SLC31A1: variants seen among roughly 807,000 people sequenced by gnomAD.
SLC31A1 encodes solute carrier family 31 member 1, also known as high affinity copper uptake protein 1.
In SLC31A1, 5 loss-of-function variants were observed where a neutral mutation model predicts 17.2. That is an observed-to-expected ratio of 0.29 (90% confidence interval 0.15 to 0.61). The LOEUF is 0.61. SLC31A1 is among the 20% of genes least tolerant of loss of function. The pLI is 0.86. For missense variants in SLC31A1, 161 were observed against 241.4 expected (o/e 0.67, Z 2.21); for synonymous variants, 76 against 78.8 (o/e 0.96, Z 0.19).
chr9:113,223,434 A>G (rs1470177754), intron 1 of SLC31A1, among the ~76,000 whole-genome samples: 3 of 152,154 alleles, frequency 2.0e-5, no homozygotes, highest in Non-Finnish European at 4.4e-5. Context: ...CAGCCCTTAT[A>G]ACTCACTCTG....
rs1026506625 is a variant in SLC31A1 at position 113,239,158 on chromosome 9, G to A, written c.-35-16956G>A. ...CTAGAAATTAGTAGAGCCGGGATTT[G>A]AATACCTTCTGACTCCAGACTTTTT... is the stretch of plus-strand genomic sequence containing the variant. On this transcript the variant is annotated intron_variant, in intron 1 of 4. Coordinates refer to ENST00000374212, the MANE Select transcript of SLC31A1 (RefSeq NM_001859.4). Among the ~76,000 whole-genome samples, 25 of 151,856 alleles carry A rather than the reference G, an allele frequency of 1.6e-4. 1 individual carries two copies. The highest frequency in any genetic ancestry group is 5.6e-4 in the African/African-American group (23 of 41,324).
rs779732387 is a variant in SLC31A1, at chr9:113,262,981, G to A, written c.*2508G>A. Reference sequence around the variant, plus strand: ...TCGAGACCAGCCTGGACAACATAGTGAGATCCTATCTCTATAAAAAATCAA... The same window carrying A: ...TCGAGACCAGCCTGGACAACATAGTAAGATCCTATCTCTATAAAAAATCAA... On this transcript the variant is annotated 3_prime_UTR_variant, in exon 5 of 5. Coordinates refer to ENST00000374212, the MANE Select transcript of SLC31A1 (RefSeq NM_001859.4). The A allele has an allele frequency of 6.6e-5, 10 of 152,322 alleles. No individual in the cohort carries two copies. Among genetic ancestry groups the A allele is most frequent in the Non-Finnish European group, 1.3e-4 (9 of 68,112 alleles). The allele number at this position is 152,322 out of a possible 1,614,324, so 9.4% of individuals were successfully genotyped here. A position where few individuals can be genotyped will look rare whatever the true frequency, so the allele number is the denominator to read the frequency against.
chr9:113,228,245 T>A (rs969771334), intron 1 of SLC31A1, among the ~76,000 whole-genome samples: 2 of 152,118 alleles, frequency 1.3e-5, no homozygotes, highest in Admixed American at 6.5e-5. Context: ...GTCACATAAA[T>A]CATACTAAAG....
intron 1 of SLC31A1, among the ~76,000 whole-genome samples, chr9:113,234,425 C>T (rs1831433211): frequency 6.6e-6 from 1 of 151,068 alleles, no homozygotes; most frequent in Admixed American, 6.6e-5. Flanking sequence ...GATCCACCCA[C>T]CTCAGCCTCC....
chr9:113,256,063 A>G, intron 1 of SLC31A1, 51 bp from the exon 2 acceptor site: 3 of 1,344,452 alleles, frequency 2.2e-6, no homozygotes, highest in Admixed American at 2.2e-5. Flanking sequence ...AAAAAAAGAG[A>G]TAAGATTTTT....
intron 1 of SLC31A1, among the ~76,000 whole-genome samples, chr9:113,224,980 C>T (rs2118979761): frequency 6.6e-6 from 1 of 152,312 alleles, no homozygotes. Flanking sequence ...GCATTTAGAA[C>T]AGTGCCTGGC....
intron 4 of SLC31A1, among the ~76,000 whole-genome samples, chr9:113,259,961 A>T (rs1346230340): frequency 6.6e-6 from 1 of 152,152 alleles, no homozygotes; most frequent in African/African-American, 2.4e-5. Flanking sequence ...TGAGCGTGAG[A>T]GGGTTTACGG....
intron 1 of SLC31A1, among the ~76,000 whole-genome samples, chr9:113,229,365 A>G (rs1395239418): frequency 6.6e-6 from 1 of 152,186 alleles, no homozygotes; most frequent in Admixed American, 6.5e-5. Flanking sequence ...AATAACATGA[A>G]CATACTCTGT....
intron 1 of SLC31A1, among the ~76,000 whole-genome samples, chr9:113,227,073 T>G (rs553154399): frequency 6.6e-6 from 1 of 152,110 alleles, no homozygotes; most frequent in Non-Finnish European, 1.5e-5. Flanking sequence ...GGTACCTTCA[T>G]TCGATAGGTA....
At chr9:113,250,919 A>G (rs1365576835) in intron 1 of SLC31A1, among the ~76,000 whole-genome samples, 1 of 152,126 alleles carries the variant, frequency 6.6e-6, no homozygotes, top group Non-Finnish European at 1.5e-5. Flanking sequence ...TTGGGTTGCT[A>G]TAAAGTGAGC....
chr9:113,250,617 A>C (rs1020117978), intron 1 of SLC31A1, among the ~76,000 whole-genome samples: 2 of 150,990 alleles, frequency 1.3e-5, no homozygotes, highest in African/African-American at 4.9e-5. Flanking sequence ...AGCATGGCAC[A>C]TGTATACATA....
intron 1 of SLC31A1, among the ~76,000 whole-genome samples, chr9:113,238,397 G>T (rs1831486544): frequency 6.6e-6 from 1 of 152,166 alleles, no homozygotes; most frequent in Admixed American, 6.5e-5. Context: ...AAGTGATAGA[G>T]TCGGAACCAG....
intron 1 of SLC31A1, among the ~76,000 whole-genome samples, chr9:113,234,853 AT>A (rs2118990041): frequency 6.6e-6 from 1 of 152,210 alleles, no homozygotes; most frequent in East Asian, 1.9e-4. Context: ...GTATTTTTAC[AT>A]TTGATATTCA....
At chr9:113,229,731 A>G (rs1831382257) in intron 1 of SLC31A1, among the ~76,000 whole-genome samples, 1 of 152,196 alleles carries the variant, frequency 6.6e-6, no homozygotes, top group Non-Finnish European at 1.5e-5. Flanking sequence ...ATCTTCTATG[A>G]GACTTTAACT....
chr9:113,250,754 T>C (rs975516491), intron 1 of SLC31A1, among the ~76,000 whole-genome samples: 1 of 152,058 alleles, frequency 6.6e-6, no homozygotes, highest in Non-Finnish European at 1.5e-5. Flanking sequence ...GTCCCTGAGT[T>C]ATATATTCAG....
chr9:113,227,801 A>G (rs1275142089), intron 1 of SLC31A1: 11 of 152,254 alleles, frequency 7.2e-5, no homozygotes, highest in Admixed American at 6.5e-5. Flanking sequence ...ACCATTGTCT[A>G]CATTTGATTA....
At chr9:113,254,763 G>A (rs1221603271) in intron 1 of SLC31A1, among the ~76,000 whole-genome samples, 2 of 152,090 alleles carry the variant, frequency 1.3e-5, no homozygotes, top group Admixed American at 1.3e-4. Context: ...GCCAGGTGTG[G>A]TAGCATGCAC....
At chr9:113,254,689 A>G (rs1175571147) in intron 1 of SLC31A1, among the ~76,000 whole-genome samples, 1 of 152,172 alleles carries the variant, frequency 6.6e-6, no homozygotes. Context: ...ACTTGAGCTC[A>G]GGAGTTTGAG....
At chr9:113,223,892 A>G (rs1017464133) in intron 1 of SLC31A1, among the ~76,000 whole-genome samples, 17 of 152,232 alleles carry the variant, frequency 1.1e-4, no homozygotes, top group African/African-American at 3.4e-4. Flanking sequence ...TAGGGGATCT[A>G]TAACATTCCG....
Sources: gnomAD v4.1 joint callset for allele counts (sites outside exome capture counted in the v4.1 genomes callset) on GRCh38, gnomAD v4.1.1 for gene constraint, MANE v1.5 for transcripts, NCBI Gene and HGNC (gene_info 2026-07-23, HGNC 2026-07-21) for gene names.